Variants in ACYP2 observed in about 807,000 individuals in gnomAD.
The protein encoded by ACYP2 is acylphosphatase 2.
A neutral mutation model predicts 11.2 loss-of-function variants in ACYP2; 12 were observed. The observed-to-expected ratio is 1.08, with a 90% confidence interval of 0.69 to 1.74. The LOEUF (loss-of-function observed/expected upper bound fraction) is 1.74, where lower values mean the gene tolerates loss of function less well. Among genes scored for constraint, ACYP2 ranks in the 40% most tolerant of loss-of-function variants. The probability of loss-of-function intolerance (pLI) is 0.00; values close to 1 mark genes in which losing one functional copy is unlikely to be tolerated. For synonymous variants in ACYP2, 43 were observed against 32.2 expected, an observed-to-expected ratio of 1.33 and a Z score of -1.13; for missense variants, 134 against 101.9, an observed-to-expected ratio of 1.31 and a Z score of -1.35.
chr2:54,206,760 G>T (rs953413933), intron 6 of ACYP2, among the ~76,000 whole-genome samples: 2 of 152,168 alleles, frequency 1.3e-5, no homozygotes, highest in African/African-American at 4.8e-5. Context: ...CCTGTAGGGG[G>T]TGCAATCTGT....
chr2:54,091,932 A>T (rs1428065257), intron 4 of ACYP2, among the ~76,000 whole-genome samples: 1 of 152,126 alleles, frequency 6.6e-6, no homozygotes, highest in Non-Finnish European at 1.5e-5. Flanking sequence ...CTGGAGAAAG[A>T]AAGTGTTTGT....
At chr2:54,170,126 C>A (rs1466815816) in intron 6 of ACYP2, among the ~76,000 whole-genome samples, 1 of 152,086 alleles carries the variant, frequency 6.6e-6, no homozygotes, top group African/African-American at 2.4e-5. Context: ...AAGGTGCCCT[C>A]AAGGAGGAAT....
At chr2:54,010,460 G>A (rs548277522) in intron 2 of ACYP2, among the ~76,000 whole-genome samples, 2 of 149,258 alleles carry the variant, frequency 1.3e-5, no homozygotes, top group African/African-American at 5.0e-5. Context: ...CTCCAGTCTG[G>A]GCAACAAGAG....
chr2:54,107,852 G>A (rs1038498666), intron 4 of ACYP2, among the ~76,000 whole-genome samples: 3 of 152,130 alleles, frequency 2.0e-5, no homozygotes, highest in Admixed American at 6.5e-5. Context: ...CTGCAGAACT[G>A]GGCCATCAAG....
chr2:53,982,828 CTGTGTGTGTGTGTGTGTGTG>C (rs3066946), intron 2 of ACYP2, among the ~76,000 whole-genome samples: 15 of 140,524 alleles, frequency 1.1e-4, no homozygotes, highest in African/African-American at 3.8e-4. Flanking sequence ...TCACACAAGA[CTGTGTGTGTGTGTGTGTGTG>C]TGTGTGTGTG....
intron 6 of ACYP2, among the ~76,000 whole-genome samples, chr2:54,169,070 T>C (rs1683124274): frequency 6.6e-6 from 1 of 152,202 alleles, no homozygotes; most frequent in African/African-American, 2.4e-5. Flanking sequence ...ACCTAAATAA[T>C]TTTGAACGCT....
intron 2 of ACYP2, among the ~76,000 whole-genome samples, chr2:53,980,890 C>T (rs1190545386): frequency 6.6e-6 from 1 of 152,050 alleles, no homozygotes; most frequent in Non-Finnish European, 1.5e-5. Context: ...GTAGCTGTGA[C>T]TACAGGTGTG....
chr2:54,292,926 T>C (rs1368203050), intron 6 of ACYP2, among the ~76,000 whole-genome samples: 3 of 152,230 alleles, frequency 2.0e-5, no homozygotes, highest in Admixed American at 6.5e-5. Context: ...ATTTTGTAAG[T>C]ACCTAATTCC....
At chr2:54,095,249 A>G (rs927403558) in intron 4 of ACYP2, among the ~76,000 whole-genome samples, 3 of 152,266 alleles carry the variant, frequency 2.0e-5, no homozygotes, top group African/African-American at 7.2e-5. Context: ...AATTTTTCTT[A>G]GTACAGAACA....
intron 4 of ACYP2, among the ~76,000 whole-genome samples, chr2:54,083,292 G>C (rs1296432426): frequency 2.0e-5 from 3 of 152,152 alleles, no homozygotes; most frequent in Non-Finnish European, 4.4e-5. Flanking sequence ...ACGGCCATTA[G>C]CTTCCCAGAC....
At chr2:54,145,346 T>A (rs1212958314) in intron 6 of ACYP2, among the ~76,000 whole-genome samples, 9 of 152,232 alleles carry the variant, frequency 5.9e-5, no homozygotes, top group Non-Finnish European at 1.3e-4. Context: ...ACAGGATACC[T>A]GATTAAAGTG....
chr2:54,037,652 C>CCCCCCT (rs1432526201), intron 2 of ACYP2, among the ~76,000 whole-genome samples: 2 of 152,130 alleles, frequency 1.3e-5, no homozygotes, highest in Non-Finnish European at 2.9e-5. Context: ...AAGTGATCCT[C>CCCCCCT]CCCCCTCACC....
chr2:54,040,833 G>A (rs1417993028), intron 2 of ACYP2, among the ~76,000 whole-genome samples: 3 of 152,140 alleles, frequency 2.0e-5, no homozygotes, highest in Non-Finnish European at 4.4e-5. Flanking sequence ...TACTGGACAT[G>A]GGGAATATAG....
At chr2:54,240,386 A>T (rs1001305184) in intron 6 of ACYP2, among the ~76,000 whole-genome samples, 4 of 152,206 alleles carry the variant, frequency 2.6e-5, no homozygotes, top group Non-Finnish European at 4.4e-5. Context: ...GTGAGCAGAC[A>T]AACAAAAAAG....
At chr2:54,194,445 T>TA (rs1684368777) in intron 6 of ACYP2, among the ~76,000 whole-genome samples, 1 of 152,202 alleles carries the variant, frequency 6.6e-6, no homozygotes, top group South Asian at 2.1e-4. Flanking sequence ...TGCATACTTT[T>TA]ATTGAGTTAA....
intron 2 of ACYP2, among the ~76,000 whole-genome samples, chr2:54,038,202 C>T (rs1675012668): frequency 6.6e-6 from 1 of 152,104 alleles, no homozygotes; most frequent in South Asian, 2.1e-4. Context: ...TTCGGTTGTC[C>T]TTGGCCTAGG....
intron 6 of ACYP2, among the ~76,000 whole-genome samples, chr2:54,183,385 A>G (rs780560630): frequency 5.9e-5 from 9 of 152,152 alleles, no homozygotes; most frequent in Non-Finnish European, 1.0e-4. Flanking sequence ...CAAGATATTC[A>G]TATCAGGCAC....
In ACYP2 at chr2:54,256,092, C is replaced by T. The variant is rs201295084; in HGVS notation, c.405-48596C>T. On this transcript the variant is annotated intron_variant, in intron 6 of 6. Coordinates refer to ENST00000607452, the MANE Select transcript of ACYP2 (RefSeq NM_001320586.2). Reference sequence around the variant, plus strand: ...TTTCTCGGGACCTCTGGCCCTGGTGCGGGTCTTCCAGAGCATAGTCGAGAG... The same window carrying T: ...TTTCTCGGGACCTCTGGCCCTGGTGTGGGTCTTCCAGAGCATAGTCGAGAG... 1.6e-3 allele frequency: 2,653 copies of T among 1,614,094 alleles called. 10 individuals are homozygous for T. The highest frequency in any genetic ancestry group is 3.5e-3 in the South Asian group (315 of 91,074).
chr2:54,274,625 C>CAAAAAA lies in ACYP2; in HGVS notation c.405-30040_405-30035dup, dbSNP rs70944155. Among the ~76,000 whole-genome samples the CAAAAAA allele has an allele frequency of 2.1e-3, 80 of 37,686 alleles. 4 individuals are homozygous for CAAAAAA. The highest frequency in any genetic ancestry group is 8.4e-3 in the African/African-American group (69 of 8,244). The allele number at this position is 37,686 out of a possible 152,430, so 24.7% of individuals were successfully genotyped here. A position where few individuals can be genotyped will look rare whatever the true frequency, so the allele number is the denominator to read the frequency against. On this transcript the variant is annotated intron_variant, in intron 6 of 6. Transcript: ENST00000607452. ...TGGGTGACAGAGCAAGACTCCATCT[C>CAAAAAA]AAAAAAAAAAAAAAAAAAAAAAAAA...
Sources: gnomAD v4.1 joint callset for allele counts (sites outside exome capture counted in the v4.1 genomes callset) on GRCh38, gnomAD v4.1.1 for gene constraint, MANE v1.5 for transcripts, NCBI Gene and HGNC (gene_info 2026-07-23, HGNC 2026-07-21) for gene names.